Variants in WDFY3 observed in about 807,000 individuals in gnomAD.
WDFY3 encodes the protein WD repeat and FYVE domain-containing protein 3.
Under a neutral mutation model 409.6 loss-of-function variants are expected in WDFY3, and 66 were observed. The observed-to-expected ratio is 0.16, with a 90% confidence interval of 0.13 to 0.20. WDFY3 has a LOEUF of 0.20. Ranked by LOEUF, WDFY3 falls within the 10% of genes least tolerant of loss-of-function variation. The pLI is 1.00. For missense variants in WDFY3, 3,031 were observed against 4,298.1 expected (o/e 0.71, Z 8.24); for synonymous variants, 1,521 against 1,537.1 (o/e 0.99, Z 0.25).
At chr4:84,816,022 TTTGA>T (rs1753250970) in intron 13 of WDFY3, among the ~76,000 whole-genome samples, 1 of 152,122 alleles carries the variant, frequency 6.6e-6, no homozygotes, top group Non-Finnish European at 1.5e-5. Context: ...TCTCTATTTG[TTTGA>T]TTGTACTTAC....
At chr4:84,730,822 T>G (rs571523119) in intron 44 of WDFY3, among the ~76,000 whole-genome samples, 31 of 151,984 alleles carry the variant, frequency 2.0e-4, no homozygotes, top group African/African-American at 7.0e-4. Flanking sequence ...TTTTTTTAGA[T>G]GGAGTTTTGC....
chr4:84,914,232 C>T (rs1429501939), intron 2 of WDFY3, among the ~76,000 whole-genome samples: 1 of 151,834 alleles, frequency 6.6e-6, no homozygotes, highest in Non-Finnish European at 1.5e-5. Context: ...CCAGCCTGGC[C>T]AACATAGTAA....
At chr4:84,787,349 CCTG>C in intron 23 of WDFY3, 130 bp downstream of exon 23, 1 of 787,542 alleles carries the variant, frequency 1.3e-6, no homozygotes, top group Non-Finnish European at 2.0e-6. Flanking sequence ...GAGTGAGTAT[CCTG>C]CTGAAGAAGA....
rs143035364 is a variant in WDFY3, at chr4:84,835,997, A to G, written c.576+932T>C. ...TTGCTTTAGAGAACTAGATCTAAAC[A>G]TGTTGTTTTTAACTGTTGATTGGGT... On this transcript the variant is annotated intron_variant, in intron 7 of 67. Transcript: ENST00000295888. Among the ~76,000 whole-genome samples the G allele has an allele frequency of 5.1e-3, 773 of 152,302 alleles. 9 individuals are homozygous for G. Among genetic ancestry groups the G allele is most frequent in the African/African-American group, 0.017 (725 of 41,558 alleles).
intron 10 of WDFY3, 74 bp from the exon 11 acceptor site, chr4:84,821,625 C>G (rs1301512435): frequency 8.2e-7 from 1 of 1,220,430 alleles, no homozygotes; most frequent in Non-Finnish European, 1.2e-6. Context: ...TCTGTTTAAA[C>G]ACATCATGAA....
In WDFY3 at chr4:84,679,157, T is replaced by C. The variant is rs761184186; in HGVS notation, c.9909A>G (p.Gln3303=). The change falls in exon 65 of 68, where the codon CAA becomes CAG. Residue 3303 remains glutamine, a synonymous_variant. Transcript: ENST00000295888. Reference sequence around the variant, plus strand: ...GGGGCCTGTGGCTGGTGCTGCTGGGTTGGCTTGGAGTGTCCTTAGGGTCCT... The same window carrying C: ...GGGGCCTGTGGCTGGTGCTGCTGGGCTGGCTTGGAGTGTCCTTAGGGTCCT... ...ISQDPKDTPS[Q]PSSTSHRPRA... The C allele has an allele frequency of 6.2e-7, 1 of 1,613,612 alleles. No homozygotes were observed. The highest frequency in any genetic ancestry group is 8.5e-7 in the Non-Finnish European group (1 of 1,179,806).
chr4:84,721,872 A>G (rs1734910136), intron 46 of WDFY3, among the ~76,000 whole-genome samples: 1 of 152,210 alleles, frequency 6.6e-6, no homozygotes, highest in Non-Finnish European at 1.5e-5. Context: ...AAAACATGGT[A>G]CAAGTACACT....
chr4:84,800,593 T>A, intron 17 of WDFY3, among the ~76,000 whole-genome samples: 1 of 152,188 alleles, frequency 6.6e-6, no homozygotes, highest in East Asian at 1.9e-4. Flanking sequence ...TCTGAAAAGA[T>A]CACATACTGT....
chr4:84,705,620 T>C (rs1731800446), intron 53 of WDFY3, 109 bp from the exon 54 acceptor site: 2 of 861,556 alleles, frequency 2.3e-6, no homozygotes, highest in East Asian at 4.9e-5. Context: ...CGCACTAGTA[T>C]CTGTGGGGTC....
chr4:84,816,178 C>T (rs1007971018), intron 13 of WDFY3, among the ~76,000 whole-genome samples: 1 of 152,032 alleles, frequency 6.6e-6, no homozygotes, highest in African/African-American at 2.4e-5. Context: ...TATTTAGAAA[C>T]CTTGCATCAA....
chr4:84,776,582 A>G (rs1745584349), intron 27 of WDFY3, among the ~76,000 whole-genome samples: 3 of 152,060 alleles, frequency 2.0e-5, no homozygotes, highest in Admixed American at 2.0e-4. Context: ...GTGTTCCCAT[A>G]ATCCCTTCTG....
chr4:84,764,528 A>T (rs936702672), intron 32 of WDFY3, among the ~76,000 whole-genome samples: 1 of 152,118 alleles, frequency 6.6e-6, no homozygotes, highest in Non-Finnish European at 1.5e-5. Flanking sequence ...GACCTTCTTC[A>T]CATCTGAAAT....
chr4:84,741,684 T>C (rs1294339543), intron 38 of WDFY3, 77 bp downstream of exon 38: 1 of 1,402,830 alleles, frequency 7.1e-7, no homozygotes, highest in Non-Finnish European at 9.6e-7. Context: ...ATTAGTTATA[T>C]TTAATTTCAA....
intron 58 of WDFY3, among the ~76,000 whole-genome samples, chr4:84,695,732 A>G (rs1386994870): frequency 2.6e-5 from 4 of 152,168 alleles, no homozygotes; most frequent in Non-Finnish European, 5.9e-5. Flanking sequence ...GAGGTTTAAG[A>G]AAGCATACCC....
chr4:84,870,473 A>G (rs769078206), intron 3 of WDFY3, among the ~76,000 whole-genome samples: 13 of 152,116 alleles, frequency 8.5e-5, no homozygotes, highest in Non-Finnish European at 1.3e-4. Flanking sequence ...GTGGACTAGC[A>G]TGAGAGGGAG....
chr4:84,702,447 T>C lies in WDFY3; in HGVS notation c.8502A>G (p.Ser2834=). 2 of 1,613,992 alleles carry C rather than the reference T, an allele frequency of 1.2e-6. No homozygotes were observed. The highest frequency in any genetic ancestry group is 1.7e-5 in the Admixed American group (1 of 59,938). ...CATCTGCCATATTGTGCTTTGACGCTGAATACCAGGCCTCGCGCACACTGT... is the reference window on the plus strand; with the variant it reads ...CATCTGCCATATTGTGCTTTGACGCCGAATACCAGGCCTCGCGCACACTGT... ...MFHSVREAWY[S]ASKHNMADVK... Residue 2834 remains serine, a synonymous_variant, in exon 56 of 68, where the codon TCA becomes TCG. Transcript: ENST00000295888.
chr4:84,827,013 TTC>T, intron 9 of WDFY3, 32 bp from the exon 10 acceptor site: 1 of 1,588,480 alleles, frequency 6.3e-7, no homozygotes, highest in Non-Finnish European at 8.5e-7. Context: ...AGTATTTTTT[TTC>T]TCTTTGGTTG....
At chr4:84,696,930 G>C in intron 56 of WDFY3, 107 bp from the exon 57 acceptor site, 1 of 910,880 alleles carries the variant, frequency 1.1e-6, no homozygotes, top group South Asian at 1.6e-5. Flanking sequence ...ATACCAGAAC[G>C]CTAAAATTGT....
chr4:84,700,039 C>T (rs1730828467), intron 56 of WDFY3, among the ~76,000 whole-genome samples: 1 of 151,350 alleles, frequency 6.6e-6, no homozygotes, highest in Non-Finnish European at 1.5e-5. Flanking sequence ...TTCTTGGATG[C>T]AGAAACTTCT....
Sources: allele counts gnomAD v4.1 joint callset (sites outside exome capture counted in the v4.1 genomes callset), GRCh38; gene constraint gnomAD v4.1.1; transcripts MANE v1.5; gene names NCBI Gene and HGNC (gene_info 2026-07-23, HGNC 2026-07-21).